Variants in PLCB4 observed in about 807,000 individuals in gnomAD.
The protein encoded by PLCB4 is 1-phosphatidylinositol 4,5-bisphosphate phosphodiesterase beta-4.
In PLCB4, 77 loss-of-function variants were observed where a neutral mutation model predicts 178.8. That is an observed-to-expected ratio of 0.43 (90% CI 0.36 to 0.52). The LOEUF (loss-of-function observed/expected upper bound fraction) is 0.52, where lower values mean the gene tolerates loss of function less well. Among genes scored for constraint, PLCB4 ranks in the 20% least tolerant of loss-of-function variants. The probability of loss-of-function intolerance (pLI) is 0.00; values close to 1 mark genes in which losing one functional copy is unlikely to be tolerated. For synonymous variants in PLCB4, 496 were observed against 490.8 expected (o/e 1.01, Z -0.14); for missense variants, 1,024 against 1,453.4 (o/e 0.70, Z 4.80).
At chr20:9,175,697 GA>G (rs1474046539) in intron 2 of PLCB4, among the ~76,000 whole-genome samples, 7 of 151,990 alleles carry the variant, frequency 4.6e-5, no homozygotes, top group Non-Finnish European at 8.8e-5. Context: ...TCACTCTATA[GA>G]AAAAAACTCT....
intron 13 of PLCB4, 94 bp from the exon 14 acceptor site, chr20:9,384,107 C>T (rs2037376904): frequency 1.1e-6 from 1 of 935,602 alleles, no homozygotes; most frequent in African/African-American, 1.6e-5. Context: ...CGTTTTTACT[C>T]TTATAATTTA....
At chr20:9,424,263 GA>G (rs1219128678) in intron 28 of PLCB4, among the ~76,000 whole-genome samples, 2 of 151,880 alleles carry the variant, frequency 1.3e-5, no homozygotes, top group Non-Finnish European at 1.5e-5. Context: ...TCAGACTAGG[GA>G]AAAAAACATA....
chr20:9,396,245 T>C (rs1242572363), intron 19 of PLCB4, among the ~76,000 whole-genome samples: 2 of 152,156 alleles, frequency 1.3e-5, no homozygotes, highest in African/African-American at 4.8e-5. Flanking sequence ...TGTAATCCCT[T>C]TGTATAGACA....
intron 1 of PLCB4, among the ~76,000 whole-genome samples, chr20:9,081,122 T>C (rs545588406): frequency 6.6e-6 from 1 of 152,358 alleles, no homozygotes; most frequent in East Asian, 1.9e-4. Context: ...TCAGGTACTT[T>C]AACAGTGAGA....
intron 3 of PLCB4, chr20:9,280,416 T>C (rs1027887749): frequency 1.0e-6 from 1 of 978,596 alleles, no homozygotes; most frequent in Non-Finnish European, 1.2e-6. Context: ...AAAGATATTG[T>C]GTTCTCCACT....
At chr20:9,314,124 C>CAG (rs2094870547) in intron 4 of PLCB4, among the ~76,000 whole-genome samples, 1 of 152,134 alleles carries the variant, frequency 6.6e-6, no homozygotes, top group African/African-American at 2.4e-5. Context: ...TCAGCTAGGG[C>CAG]AGAGGGTAGG....
At chr20:9,252,630 G>A (rs1398552187) in intron 3 of PLCB4, among the ~76,000 whole-genome samples, 1 of 152,190 alleles carries the variant, frequency 6.6e-6, no homozygotes, top group East Asian at 1.9e-4. Context: ...AGGGATATCA[G>A]ATAGCTAGTA....
At chr20:9,260,864 G>A (rs765104130) in intron 3 of PLCB4, among the ~76,000 whole-genome samples, 65 of 151,994 alleles carry the variant, frequency 4.3e-4, no homozygotes, top group Non-Finnish European at 1.6e-4. Context: ...TTCTAGCCCC[G>A]GAGACTATCT....
chr20:9,381,361 G>A (rs929554422), intron 13 of PLCB4, among the ~76,000 whole-genome samples: 2 of 152,126 alleles, frequency 1.3e-5, no homozygotes, highest in African/African-American at 4.8e-5. Flanking sequence ...GCAGTAATTT[G>A]GCTAGTATTT....
chr20:9,428,339 C>T (rs1029316523), intron 28 of PLCB4, among the ~76,000 whole-genome samples: 3 of 152,084 alleles, frequency 2.0e-5, no homozygotes, highest in Non-Finnish European at 4.4e-5. Flanking sequence ...AGTCAGACTT[C>T]AAGAAGAAAA....
intron 7 of PLCB4, among the ~76,000 whole-genome samples, chr20:9,347,332 C>G (rs1217929865): frequency 6.6e-6 from 1 of 152,068 alleles, no homozygotes; most frequent in Non-Finnish European, 1.5e-5. Context: ...CATGAAATCT[C>G]TTGATATTAA....
intron 3 of PLCB4, among the ~76,000 whole-genome samples, chr20:9,262,457 C>T (rs1321346095): frequency 6.6e-6 from 1 of 152,034 alleles, no homozygotes; most frequent in Non-Finnish European, 1.5e-5. Context: ...AAAGGAAGAG[C>T]ATGGAGGATG....
chr20:9,326,172 C>T (rs146432806), intron 4 of PLCB4, among the ~76,000 whole-genome samples: 1 of 152,132 alleles, frequency 6.6e-6, no homozygotes, highest in African/African-American at 2.4e-5. Context: ...ACATTCAGAC[C>T]ATAGGACCTT....
At chr20:9,367,931 C>T (rs924631664) in intron 9 of PLCB4, among the ~76,000 whole-genome samples, 12 of 152,212 alleles carry the variant, frequency 7.9e-5, no homozygotes, top group African/African-American at 2.6e-4. Context: ...TGACACAAGA[C>T]GGCTGTGATT....
At chr20:9,292,554 G>A (rs2094589512) in intron 3 of PLCB4, among the ~76,000 whole-genome samples, 1 of 152,156 alleles carries the variant, frequency 6.6e-6, no homozygotes, top group Non-Finnish European at 1.5e-5. Flanking sequence ...GAGGGTCTAA[G>A]GAGAACAGAG....
intron 28 of PLCB4, among the ~76,000 whole-genome samples, chr20:9,426,360 A>G (rs1055581428): frequency 6.6e-6 from 1 of 152,038 alleles, no homozygotes; most frequent in African/African-American, 2.4e-5. Flanking sequence ...GTTTACTTCC[A>G]GTCTCTTTTT....
chr20:9,262,190 C>T (rs923992865), intron 3 of PLCB4, among the ~76,000 whole-genome samples: 1 of 152,142 alleles, frequency 6.6e-6, no homozygotes, highest in Non-Finnish European at 1.5e-5. Context: ...CGAGTGCCAT[C>T]TGAGAACCAT....
chr20:9,440,232 AT>A (rs2042028290), intron 30 of PLCB4, among the ~76,000 whole-genome samples: 1 of 152,260 alleles, frequency 6.6e-6, no homozygotes, highest in Non-Finnish European at 1.5e-5. Flanking sequence ...ACCGAACATC[AT>A]AGCTTAGCTT....
At chr20:9,415,502 A>G (rs1203243574) in intron 25 of PLCB4, among the ~76,000 whole-genome samples, 2 of 152,142 alleles carry the variant, frequency 1.3e-5, no homozygotes, top group Non-Finnish European at 2.9e-5. Flanking sequence ...CCATTTTCTC[A>G]TTCTTGGTGC....
Sources: gnomAD v4.1 joint callset for allele counts (sites outside exome capture counted in the v4.1 genomes callset) on GRCh38, gnomAD v4.1.1 for gene constraint, MANE v1.5 for transcripts, NCBI Gene and HGNC (gene_info 2026-07-23, HGNC 2026-07-21) for gene names.